The following B3GALT1 variants were observed in gnomAD, a reference collection of about 807,000 sequenced individuals.
The protein encoded by B3GALT1 is UDP-Gal:betaGlcNAc beta 1,3-galactosyltransferase, polypeptide 1.
B3GALT1 carries 10 observed loss-of-function variants against 23.2 expected under a neutral mutation model. That is an observed-to-expected ratio of 0.43 (90% CI 0.27 to 0.73). The LOEUF is 0.73. B3GALT1 is among the 30% of genes least tolerant of loss of function. The pLI is 0.21. For missense variants in B3GALT1, 299 were observed against 405.4 expected (o/e 0.74, Z 2.25); for synonymous variants, 156 against 141.5 (o/e 1.10, Z -0.73).
At chr2:167,562,996 C>T (rs978573392) in intron 2 of B3GALT1, among the ~76,000 whole-genome samples, 7 of 152,164 alleles carry the variant, frequency 4.6e-5, no homozygotes, top group African/African-American at 1.7e-4. Context: ...GATCCCAAGG[C>T]AGAAGAACCT....
At chr2:167,813,230 A>T (rs1688927328) in intron 3 of B3GALT1, among the ~76,000 whole-genome samples, 1 of 152,026 alleles carries the variant, frequency 6.6e-6, no homozygotes, top group African/African-American at 2.4e-5. Context: ...GCTATATCTC[A>T]TCAATTCATT....
chr2:167,423,236 T>C (rs1698574394), intron 1 of B3GALT1, among the ~76,000 whole-genome samples: 1 of 152,162 alleles, frequency 6.6e-6, no homozygotes, highest in African/African-American at 2.4e-5. Context: ...AGAAGTTAAC[T>C]ATACCCCGAT....
intron 1 of B3GALT1, among the ~76,000 whole-genome samples, chr2:167,472,854 A>C (rs1224421286): frequency 6.6e-6 from 1 of 152,094 alleles, no homozygotes; most frequent in Non-Finnish European, 1.5e-5. Flanking sequence ...CAGTATTTCC[A>C]TTTGTTTGGA....
intron 1 of B3GALT1, among the ~76,000 whole-genome samples, chr2:167,443,394 T>G (rs1241393753): frequency 6.6e-6 from 1 of 152,240 alleles, no homozygotes; most frequent in African/African-American, 2.4e-5. Context: ...TAAAGTAGTT[T>G]CTTCCAATTC....
intron 4 of B3GALT1, among the ~76,000 whole-genome samples, chr2:167,848,514 G>A (rs553116686): frequency 7.2e-5 from 11 of 152,272 alleles, no homozygotes; most frequent in Non-Finnish European, 1.5e-4. Context: ...CTCAATAGAT[G>A]CAGAAAAAGC....
At chr2:167,513,661 C>A (rs974109511) in intron 2 of B3GALT1, among the ~76,000 whole-genome samples, 2 of 151,964 alleles carry the variant, frequency 1.3e-5, no homozygotes, top group Admixed American at 6.6e-5. Flanking sequence ...AATAGAAGAA[C>A]CAAAATTAGC....
chr2:167,380,828 T>A (rs1697838313), intron 1 of B3GALT1, among the ~76,000 whole-genome samples: 1 of 152,122 alleles, frequency 6.6e-6, no homozygotes, highest in Non-Finnish European at 1.5e-5. Context: ...TTACTCACTT[T>A]TATTTTACTT....
intron 2 of B3GALT1, among the ~76,000 whole-genome samples, chr2:167,572,955 C>G (rs1447508368): frequency 6.6e-6 from 1 of 151,676 alleles, no homozygotes; most frequent in African/African-American, 2.4e-5. Context: ...GCCTCCTTAC[C>G]CCAATTCAAA....
At chr2:167,403,678 A>G (rs986925728) in intron 1 of B3GALT1, among the ~76,000 whole-genome samples, 4 of 152,102 alleles carry the variant, frequency 2.6e-5, no homozygotes, top group African/African-American at 9.7e-5. Context: ...TGATATGGCT[A>G]GACTGGAGTA....
chr2:167,722,996 A>C (rs77894798), intron 3 of B3GALT1, among the ~76,000 whole-genome samples: 6,224 of 152,204 alleles, frequency 0.041, 429 homozygotes, highest in African/African-American at 0.14. Flanking sequence ...TAAAAATTCT[A>C]CTCTTTCCTG....
At chr2:167,621,728 TAGTG>T (rs1685263713) in intron 2 of B3GALT1, among the ~76,000 whole-genome samples, 1 of 152,060 alleles carries the variant, frequency 6.6e-6, no homozygotes, top group South Asian at 2.1e-4. Context: ...GTTCTCGTGA[TAGTG>T]AGTGAGTTCT....
intron 2 of B3GALT1, among the ~76,000 whole-genome samples, chr2:167,636,345 C>G (rs1041862337): frequency 1.3e-5 from 2 of 151,516 alleles, no homozygotes; most frequent in African/African-American, 4.8e-5. Flanking sequence ...AAGATATGCT[C>G]TGTAAGAAGG....
intron 1 of B3GALT1, among the ~76,000 whole-genome samples, chr2:167,439,826 A>ATTT (rs373346564): frequency 2.1e-5 from 3 of 146,190 alleles, no homozygotes; most frequent in African/African-American, 7.5e-5. Flanking sequence ...ATTTTGTAGT[A>ATTT]TTTTTTTTTT....
chr2:167,432,215 T>G (rs1698716964), intron 1 of B3GALT1, among the ~76,000 whole-genome samples: 1 of 152,158 alleles, frequency 6.6e-6, no homozygotes, highest in Admixed American at 6.5e-5. Flanking sequence ...TAATGATGAC[T>G]GCAGAGAGTT....
intron 1 of B3GALT1, among the ~76,000 whole-genome samples, chr2:167,297,051 T>C (rs1165782228): frequency 6.6e-6 from 1 of 152,032 alleles, no homozygotes; most frequent in Non-Finnish European, 1.5e-5. Flanking sequence ...TAACACTGCG[T>C]AATATGTGAG....
chr2:167,711,497 A>G lies in B3GALT1; in HGVS notation c.-352+64531A>G, dbSNP rs182809777. Among the ~76,000 whole-genome samples, 8 of 152,320 alleles carry G rather than the reference A, an allele frequency of 5.3e-5. No homozygotes were observed. The East Asian group carries it at 7.7e-4, about 15-fold the overall frequency. On this transcript the variant is annotated intron_variant, in intron 3 of 4. Coordinates refer to ENST00000392690, the MANE Select transcript of B3GALT1 (RefSeq NM_020981.4). ...TCACTGAAGGAACTACTGACTGACAAGAGTACAGAAGAAAGAAACTTAAAG... is the reference window on the plus strand; with the variant it reads ...TCACTGAAGGAACTACTGACTGACAGGAGTACAGAAGAAAGAAACTTAAAG...
At chr2:167,335,998 A>T (rs1294441059) in intron 1 of B3GALT1, among the ~76,000 whole-genome samples, 1 of 152,008 alleles carries the variant, frequency 6.6e-6, no homozygotes, top group East Asian at 1.9e-4. Flanking sequence ...TGGGAGAATA[A>T]GCAAGTTTTG....
At chr2:167,378,453 A>G (rs1697796762) in intron 1 of B3GALT1, among the ~76,000 whole-genome samples, 1 of 152,120 alleles carries the variant, frequency 6.6e-6, no homozygotes, top group Non-Finnish European at 1.5e-5. Flanking sequence ...TCTCTCAGGA[A>G]TGTCAAGAAT....
chr2:167,744,414 A>G (rs894051283), intron 3 of B3GALT1, among the ~76,000 whole-genome samples: 1 of 152,164 alleles, frequency 6.6e-6, no homozygotes, highest in Non-Finnish European at 1.5e-5. Context: ...AACTATTATT[A>G]TAGATCTCTC....
Sources: gnomAD v4.1 joint callset for allele counts (sites outside exome capture counted in the v4.1 genomes callset) on GRCh38, gnomAD v4.1.1 for gene constraint, MANE v1.5 for transcripts, NCBI Gene and HGNC (gene_info 2026-07-23, HGNC 2026-07-21) for gene names.